CTSV: variants seen among roughly 807,000 people sequenced by gnomAD.
CTSV encodes cathepsin V.
Under a neutral mutation model 35.6 loss-of-function variants are expected in CTSV, and 33 were observed. The observed-to-expected ratio is 0.93, with a 90% CI of 0.70 to 1.24. The LOEUF is 1.24. Among genes scored for constraint, CTSV ranks in the 50% most tolerant of loss-of-function variants. CTSV has a pLI of 0.00. For synonymous variants in CTSV, 154 were observed against 147.1 expected (o/e 1.05, Z -0.34); for missense variants, 408 against 413.1 (o/e 0.99, Z 0.11).
chr9:97,037,868 G>A lies in CTSV; in HGVS notation c.126+50C>T, dbSNP rs982277711. 11 of 1,602,270 alleles carry A rather than the reference G, an allele frequency of 6.9e-6. No individual in the cohort carries two copies. In the East Asian group the frequency reaches 9.0e-5, roughly 13 times the overall value. ...TCTCTGGCTATCAACTCCCAACAGC[G>A]AGGACCATTCTCTCCAGAGTCCCTC... On this transcript the variant is annotated intron_variant, in intron 2 of 7. Transcript: ENST00000259470.
rs149033302 is a variant in CTSV at position 97,037,532 on chromosome 9, T to C, written c.210A>G (p.Lys70=). The C allele has an allele frequency of 7.6e-5, 122 of 1,614,172 alleles. No homozygotes were observed. The African/African-American group carries it at 1.4e-3, about 18-fold the overall frequency. Residue 70 remains lysine, a synonymous_variant, in exon 3 of 8, where the codon AAA becomes AAG. Transcript: ENST00000259470. The stretch of plus-strand genomic sequence containing the variant: ...CATTCATGGCCATTGTGAAGCCATG[T>C]TTCCCTTGGCTGTATTCCCCATTGT... The part of the protein sequence containing the change: ...ELHNGEYSQG[K]HGFTMAMNAF...
chr9:97,037,806 G>C, intron 2 of CTSV, 112 bp downstream of exon 2: 2 of 1,457,850 alleles, frequency 1.4e-6, no homozygotes, highest in Non-Finnish European at 1.9e-6. Context: ...GGTGCTGTTA[G>C]GTTATTGCCT....
chr9:97,036,600 AG>A lies in CTSV; in HGVS notation c.543del (p.Phe182SerfsTer24). On this transcript the variant is annotated frameshift_variant, in exon 5 of 8. Coordinates refer to ENST00000259470, the MANE Select transcript of CTSV (RefSeq NM_001333.4). LOFTEE classifies it high-confidence loss of function. ...RPQGNQGCNG[G>X]FMARAFQYVK... ...ACATACTGGAAGGCCCTAGCCATGA[AG>A]CCACCATTGCAGCCCTGATTGCCTT... The A allele has an allele frequency of 6.2e-7, 1 of 1,614,078 alleles. No homozygotes were observed. Among genetic ancestry groups the A allele is most frequent in the South Asian group, 1.1e-5 (1 of 91,068 alleles).
Position 97,032,942 on chromosome 9 carries a change from C to T in CTSV, c.*7G>A. On this transcript the variant is annotated 3_prime_UTR_variant, in exon 8 of 8. Transcript: ENST00000259470. ...CCTTAAGTCCTTCCTCCTCACCATC[C>T]ATCAGCTCACACATTGGGGTAGCTG... 6.2e-7 allele frequency: 1 copy of T among 1,602,638 alleles called. No homozygotes were observed.
chr9:97,038,863 A>T (rs1013505066), intron 1 of CTSV, among the ~76,000 whole-genome samples: 1 of 152,024 alleles, frequency 6.6e-6, no homozygotes. Flanking sequence ...AGGATGACTG[A>T]CCTGCCCCGC....
intron 6 of CTSV, 51 bp downstream of exon 6, chr9:97,035,477 C>T (rs1314168885): frequency 2.9e-6 from 4 of 1,359,576 alleles, no homozygotes; most frequent in South Asian, 1.9e-5. Flanking sequence ...GAATCAATCA[C>T]AGTGATGCTT....
chr9:97,036,006 T>C (rs765401288), intron 5 of CTSV, among the ~76,000 whole-genome samples: 2 of 152,170 alleles, frequency 1.3e-5, no homozygotes, highest in Non-Finnish European at 2.9e-5. Flanking sequence ...GTTAACCATC[T>C]AATGGTACTT....
rs1390481608 is a variant in CTSV, at chr9:97,039,115, C to CT, written c.-56dup. 1 of 152,418 alleles carries CT rather than the reference C, an allele frequency of 6.6e-6. No homozygotes were observed. Among genetic ancestry groups the CT allele is most frequent in the Non-Finnish European group, 1.5e-5 (1 of 68,198 alleles). 9.4% of individuals were successfully genotyped at this position (152,418 alleles called of 1,614,324 possible). Reference sequence around the variant, plus strand: ...GCAGGCACCCTCAGCAAACAAGCCTCTGAGATTACAGACGTCCGCGGTCTG... The same window carrying CT: ...GCAGGCACCCTCAGCAAACAAGCCTCTTGAGATTACAGACGTCCGCGGTCTG... On this transcript the variant is annotated 5_prime_UTR_variant, in exon 1 of 8. Coordinates refer to ENST00000259470, the MANE Select transcript of CTSV (RefSeq NM_001333.4).
At chr9:97,035,719 T>C in intron 5 of CTSV, 26 bp from the exon 6 acceptor site, 1 of 1,410,212 alleles carries the variant, frequency 7.1e-7, no homozygotes, top group Non-Finnish European at 9.4e-7. Context: ...GGGGAGAGAC[T>C]TGATCACTAC....
intron 4 of CTSV, 99 bp from the exon 5 acceptor site, chr9:97,036,846 A>AC (rs1235244674): frequency 9.2e-7 from 1 of 1,086,560 alleles, no homozygotes; most frequent in African/African-American, 1.6e-5. Context: ...AAAAAAAAAA[A>AC]CCCATCGCCA....
intron 7 of CTSV, among the ~76,000 whole-genome samples, chr9:97,033,417 C>T (rs1327303338): frequency 6.7e-6 from 1 of 148,262 alleles, no homozygotes; most frequent in Non-Finnish European, 1.5e-5. Context: ...TTGAGACCAG[C>T]TTGACCAACA....
intron 6 of CTSV, 36 bp from the exon 7 acceptor site, chr9:97,034,879 C>G (rs1420020030): frequency 6.4e-7 from 1 of 1,550,464 alleles, no homozygotes; most frequent in Non-Finnish European, 8.9e-7. Flanking sequence ...GTGAGAAGCT[C>G]CAAGCGACAT....
At position 97,029,968 on chromosome 9, in the gene CTSV, A is replaced by G. The variant is rs1169932469; in HGVS notation, c.*2981T>C. 1 of 152,262 alleles carries G rather than the reference A, an allele frequency of 6.6e-6. No individual in the cohort carries two copies. Among genetic ancestry groups the G allele is most frequent in the Admixed American group, 6.5e-5 (1 of 15,288 alleles). 9.4% of individuals were successfully genotyped at this position (152,262 alleles called of 1,614,324 possible). Reference sequence around the variant, plus strand: ...TTAGGAGCAACAGGCTGTACCATATAGCCTAGGTGTGTAATAGGCTATACC... The same window carrying G: ...TTAGGAGCAACAGGCTGTACCATATGGCCTAGGTGTGTAATAGGCTATACC... On this transcript the variant is annotated 3_prime_UTR_variant, in exon 8 of 8. Coordinates refer to ENST00000259470, the MANE Select transcript of CTSV (RefSeq NM_001333.4).
chr9:97,029,874 G>T lies in CTSV; in HGVS notation c.*3075C>A, dbSNP rs1244493612. Reference sequence around the variant, plus strand: ...ACTGTACTTTTCTGTTCAGATACACGAATACTTACCACTGTGTTACAACTG... The same window carrying T: ...ACTGTACTTTTCTGTTCAGATACACTAATACTTACCACTGTGTTACAACTG... On this transcript the variant is annotated 3_prime_UTR_variant, in exon 8 of 8. Transcript: ENST00000259470. The T allele has an allele frequency of 6.6e-6, 1 of 152,138 alleles. No individual in the cohort carries two copies. Among genetic ancestry groups the T allele is most frequent in the African/African-American group, 2.4e-5 (1 of 41,430 alleles). The allele number at this position is 152,138 out of a possible 1,614,324, so 9.4% of individuals were successfully genotyped here.
Position 97,032,885 on chromosome 9 carries a change from G to T in CTSV, c.*64C>A, listed in dbSNP as rs1828778088. 3.4e-6 allele frequency: 4 copies of T among 1,173,182 alleles called. No individual in the cohort carries two copies. In the South Asian group the frequency reaches 4.3e-5, roughly 13 times the overall value. 72.7% of individuals were successfully genotyped at this position (1,173,182 alleles called of 1,614,324 possible). On this transcript the variant is annotated 3_prime_UTR_variant, in exon 8 of 8. Coordinates refer to ENST00000259470, the MANE Select transcript of CTSV (RefSeq NM_001333.4). ...ATCTTACACAATAAGCGTTTGGTCA[G>T]TTTCAAGATAAAATTTCCCCAGACA...
At chr9:97,037,868 G>C (rs982277711) in intron 2 of CTSV, 50 bp downstream of exon 2, 2 of 1,602,390 alleles carry the variant, frequency 1.2e-6, no homozygotes, top group East Asian at 2.2e-5. Context: ...TCCCAACAGC[G>C]AGGACCATTC....
Position 97,037,394 on chromosome 9 carries a change from T to C in CTSV, c.254A>G (p.Asn85Ser), listed in dbSNP as rs753586971. Reference sequence around the variant, plus strand: ...ACCCATCATCTGCCTGAATTCTTCATTGGTCTTCAAGGAGAAGTAAATAAA... The same window carrying C: ...ACCCATCATCTGCCTGAATTCTTCACTGGTCTTCAAGGAGAAGTAAATAAA... The part of the protein sequence containing the change: ...MAMNAFGDMT[N>S]EEFRQMMGCF... Residue 85 changes from asparagine (N) to serine (S), a missense_variant, in exon 4 of 8, where the codon AAT becomes AGT. Coordinates refer to ENST00000259470, the MANE Select transcript of CTSV (RefSeq NM_001333.4). 12 of 1,614,086 alleles carry C rather than the reference T, an allele frequency of 7.4e-6. No homozygotes were observed. The highest frequency in any genetic ancestry group is 2.2e-5 in the South Asian group (2 of 91,050).
At position 97,032,702 on chromosome 9, in the gene CTSV, T is replaced by C; in HGVS notation, c.*247A>G. 1 of 372,748 alleles carries C rather than the reference T, an allele frequency of 2.7e-6. No homozygotes were observed. Among genetic ancestry groups the C allele is most frequent in the Non-Finnish European group, 4.7e-6 (1 of 210,644 alleles). 23.1% of individuals were successfully genotyped at this position (372,748 alleles called of 1,614,324 possible). A position where few individuals can be genotyped will look rare whatever the true frequency, so the allele number is the denominator to read the frequency against. On this transcript the variant is annotated 3_prime_UTR_variant, in exon 8 of 8. Transcript: ENST00000259470. ...TTTCAAACTGTTTTGTACATCTTTT[T>C]AAAAAATGAAAATTCAAAAGTCTTA...
At chr9:97,034,142 G>A (rs1828805269) in intron 7 of CTSV, among the ~76,000 whole-genome samples, 1 of 152,120 alleles carries the variant, frequency 6.6e-6, no homozygotes. Flanking sequence ...TGATTCTTGT[G>A]GGTCCTTAAC....
Sources: gnomAD v4.1 joint callset for allele counts (sites outside exome capture counted in the v4.1 genomes callset) on GRCh38, gnomAD v4.1.1 for gene constraint, MANE v1.5 for transcripts, NCBI Gene and HGNC (gene_info 2026-07-23, HGNC 2026-07-21) for gene names.